ZRANB3: variants seen among roughly 807,000 people sequenced by gnomAD.
ZRANB3 encodes DNA annealing helicase and endonuclease ZRANB3.
A neutral mutation model predicts 133.8 loss-of-function variants in ZRANB3; 125 were observed. The observed-to-expected ratio is 0.93, with a 90% confidence interval of 0.81 to 1.08. ZRANB3 has a LOEUF of 1.08. Among genes scored for constraint, ZRANB3 ranks in the 50% least tolerant of loss-of-function variants. The probability of loss-of-function intolerance (pLI) is 0.00; values close to 1 mark genes in which losing one functional copy is unlikely to be tolerated. For missense variants in ZRANB3, 1,229 were observed against 1,275.5 expected (o/e 0.96, Z 0.56); for synonymous variants, 387 against 432.7 (o/e 0.89, Z 1.31).
intron 2 of ZRANB3, among the ~76,000 whole-genome samples, chr2:135,502,726 C>A (rs1424710026): frequency 6.6e-6 from 1 of 152,176 alleles, no homozygotes; most frequent in African/African-American, 2.4e-5. Flanking sequence ...ACTGAATCTT[C>A]AGGAATCTGA....
At chr2:135,307,086 A>T (rs904409217) in intron 8 of ZRANB3, among the ~76,000 whole-genome samples, 1 of 152,150 alleles carries the variant, frequency 6.6e-6, no homozygotes, top group Non-Finnish European at 1.5e-5. Context: ...TTTTTGAGAC[A>T]GGGTCTCACT....
rs1693482102 is a variant in ZRANB3, at chr2:135,198,191, C to A, written c.*2151G>T. On this transcript the variant is annotated 3_prime_UTR_variant, in exon 21 of 21. Transcript: ENST00000264159. The stretch of plus-strand genomic sequence containing the variant: ...TTTCTGTGTCCCTCTGTCATAACCT[C>A]CCATTTGCAATACATAGTGGGGAGC... The A allele has an allele frequency of 6.6e-6, 1 of 152,178 alleles. No homozygotes were observed. Among genetic ancestry groups the A allele is most frequent in the Non-Finnish European group, 1.5e-5 (1 of 68,052 alleles). The allele number at this position is 152,178 out of a possible 1,614,324, so 9.4% of individuals were successfully genotyped here.
intron 2 of ZRANB3, among the ~76,000 whole-genome samples, chr2:135,403,034 G>GA (rs1313536746): frequency 6.6e-6 from 1 of 152,182 alleles, no homozygotes; most frequent in African/African-American, 2.4e-5. Context: ...GGGCGACGCA[G>GA]AAGACGGGTG....
intron 15 of ZRANB3, among the ~76,000 whole-genome samples, chr2:135,219,541 A>G (rs997094417): frequency 6.6e-6 from 1 of 152,252 alleles, no homozygotes; most frequent in African/African-American, 2.4e-5. Context: ...GAAGAATATT[A>G]CATCCTTGAA....
chr2:135,315,218 AC>A lies in ZRANB3; in HGVS notation c.849+140del, dbSNP rs1293022283. On this transcript the variant is annotated intron_variant, in intron 7 of 20. Transcript: ENST00000264159. ...TCCTGCTTTCTTGCTGAAATACAAA[AC>A]CAATGTATAGGCTCTATTAATTAAA... is the stretch of plus-strand genomic sequence containing the variant. The A allele has an allele frequency of 4.9e-5, 37 of 761,896 alleles. No individual in the cohort carries two copies. The South Asian group carries it at 2.0e-3, about 42-fold the overall frequency. The allele number at this position is 761,896 out of a possible 1,614,324, so 47.2% of individuals were successfully genotyped here. A position where few individuals can be genotyped will look rare whatever the true frequency, so the allele number is the denominator to read the frequency against.
At chr2:135,318,471 G>A (rs1049347046) in intron 6 of ZRANB3, among the ~76,000 whole-genome samples, 4 of 152,072 alleles carry the variant, frequency 2.6e-5, no homozygotes, top group Non-Finnish European at 5.9e-5. Context: ...TTTATGTAAG[G>A]GGTAAGATGA....
intron 6 of ZRANB3, among the ~76,000 whole-genome samples, chr2:135,327,333 G>A (rs1252675271): frequency 1.3e-5 from 2 of 151,694 alleles, no homozygotes; most frequent in Non-Finnish European, 2.9e-5. Context: ...CCAGGAAAAC[G>A]AAAAAAGATT....
chr2:135,392,876 T>C (rs1045339398), intron 2 of ZRANB3, among the ~76,000 whole-genome samples: 1 of 149,342 alleles, frequency 6.7e-6, no homozygotes. Context: ...CCAATAAATA[T>C]GTTTTTTGGT....
intron 3 of ZRANB3, among the ~76,000 whole-genome samples, chr2:135,378,319 C>T (rs1686518529): frequency 6.6e-6 from 1 of 152,040 alleles, no homozygotes; most frequent in Non-Finnish European, 1.5e-5. Flanking sequence ...ATGGCGAAAG[C>T]CGGTCTCTAC....
chr2:135,519,525 A>G (rs1017825324), intron 1 of ZRANB3, among the ~76,000 whole-genome samples: 2 of 152,104 alleles, frequency 1.3e-5, no homozygotes, highest in Non-Finnish European at 1.5e-5. Context: ...AGTAAGACCT[A>G]TATTTGGGTC....
At chr2:135,363,961 A>G (rs1250373151) in intron 3 of ZRANB3, among the ~76,000 whole-genome samples, 2 of 152,138 alleles carry the variant, frequency 1.3e-5, no homozygotes, top group Non-Finnish European at 2.9e-5. Context: ...CTGTAGTCAT[A>G]ACTACTGGGG....
chr2:135,310,093 C>T (rs532581419), intron 8 of ZRANB3, among the ~76,000 whole-genome samples: 9 of 152,176 alleles, frequency 5.9e-5, no homozygotes, highest in East Asian at 1.9e-4. Flanking sequence ...TGCAACACCA[C>T]GCCCAGCTAA....
chr2:135,243,676 T>C (rs1431007806), intron 12 of ZRANB3, among the ~76,000 whole-genome samples: 1 of 152,034 alleles, frequency 6.6e-6, no homozygotes, highest in Non-Finnish European at 1.5e-5. Context: ...TGGAGTGCAA[T>C]GGTGTGATCA....
rs532982040 is a variant in ZRANB3, at chr2:135,233,283, T to C, written c.1540-2356A>G. Among the ~76,000 whole-genome samples the C allele has an allele frequency of 7.9e-5, 12 of 152,250 alleles. No individual in the cohort carries two copies. In the South Asian group the frequency reaches 2.5e-3, roughly 32 times the overall value. On this transcript the variant is annotated intron_variant, in intron 12 of 20. Coordinates refer to ENST00000264159, the MANE Select transcript of ZRANB3 (RefSeq NM_032143.4). ...AAATGAACAAAGCCTCCAAGAAATA[T>C]GGGACCATGTGAAAAGATCAAATCT...
At chr2:135,233,188 T>C (rs1695116696) in intron 12 of ZRANB3, among the ~76,000 whole-genome samples, 2 of 152,148 alleles carry the variant, frequency 1.3e-5, no homozygotes, top group African/African-American at 4.8e-5. Flanking sequence ...GAAGAAAGAC[T>C]ATCAGTGATG....
intron 2 of ZRANB3, among the ~76,000 whole-genome samples, chr2:135,402,215 T>C (rs1163808783): frequency 6.6e-6 from 1 of 152,082 alleles, no homozygotes; most frequent in Non-Finnish European, 1.5e-5. Flanking sequence ...GAGTTATTCA[T>C]TCATCTTGAT....
chr2:135,299,094 C>A (rs540500743), intron 8 of ZRANB3, among the ~76,000 whole-genome samples: 1 of 152,276 alleles, frequency 6.6e-6, no homozygotes, highest in East Asian at 1.9e-4. Flanking sequence ...CTTTTGTCTT[C>A]TCTTACCAGG....
chr2:135,344,118 T>C (rs1684816120), intron 6 of ZRANB3, among the ~76,000 whole-genome samples: 1 of 152,198 alleles, frequency 6.6e-6, no homozygotes, highest in Non-Finnish European at 1.5e-5. Flanking sequence ...TCAAGCACTT[T>C]AGAAATATTA....
intron 8 of ZRANB3, among the ~76,000 whole-genome samples, chr2:135,277,508 T>A (rs1319043909): frequency 6.6e-6 from 1 of 152,002 alleles, no homozygotes; most frequent in African/African-American, 2.4e-5. Context: ...AAGATCAGTA[T>A]GCTACAAAAA....
Sources: gnomAD v4.1 joint callset for allele counts (sites outside exome capture counted in the v4.1 genomes callset) on GRCh38, gnomAD v4.1.1 for gene constraint, MANE v1.5 for transcripts, NCBI Gene and HGNC (gene_info 2026-07-23, HGNC 2026-07-21) for gene names.